TUSC3: variants seen among roughly 807,000 people sequenced by gnomAD.
TUSC3 encodes the protein dolichyl-diphosphooligosaccharide--protein glycosyltransferase subunit TUSC3.
A neutral mutation model predicts 44.8 loss-of-function variants in TUSC3; 45 were observed. The ratio of observed to expected loss-of-function variants is 1.00; its 90% confidence interval spans 0.79 to 1.29. The LOEUF (loss-of-function observed/expected upper bound fraction) is 1.29. Ranked by LOEUF, TUSC3 falls within the 50% of genes most tolerant of loss-of-function variation. The pLI, the probability that TUSC3 is intolerant of heterozygous loss-of-function variation, is 0.00. For missense variants in TUSC3, 519 were observed against 437.9 expected (o/e 1.19, Z -1.65); for synonymous variants, 212 against 152.9 (o/e 1.39, Z -2.85).
chr8:15,582,448 G>A (rs992434964), intron 1 of TUSC3, among the ~76,000 whole-genome samples: 3 of 152,132 alleles, frequency 2.0e-5, no homozygotes, highest in Non-Finnish European at 4.4e-5. Flanking sequence ...ATGCTATAAT[G>A]AAGGACATTT....
In TUSC3 at chr8:15,662,237, T is replaced by A. The variant is rs772626944; in HGVS notation, c.649T>A (p.Leu217Met). The A allele has an allele frequency of 9.9e-6, 16 of 1,613,236 alleles. No individual in the cohort carries two copies. Among genetic ancestry groups the A allele is most frequent in the South Asian group, 9.9e-5 (9 of 91,066 alleles). ...LVSLVGGLLYLRRNNLEFIYN... is the reference protein window; with the variant it reads ...LVSLVGGLLYMRRNNLEFIYN... ...GTCGCTTGTTGGAGGTTTGCTTTAT[T>A]TGAGAAGGAACAACTTGGAGTTCAT... The change falls in exon 5 of 11, where the codon TTG (leucine) becomes ATG (methionine). Residue 217 changes from leucine (L) to methionine (M), a missense_variant. Physicochemically the swap from Leu to Met is conservative, Grantham distance 15. Coordinates refer to ENST00000503731, the MANE Select transcript of TUSC3 (RefSeq NM_006765.4).
chr8:15,509,318 C>G (rs1044684242), intron 2 of TUSC3, among the ~76,000 whole-genome samples: 2 of 152,106 alleles, frequency 1.3e-5, no homozygotes, highest in African/African-American at 4.8e-5. Context: ...AATTCAAAAT[C>G]ATAATAAAGG....
intron 2 of TUSC3, among the ~76,000 whole-genome samples, chr8:15,496,107 T>C (rs1383510866): frequency 6.6e-6 from 1 of 152,182 alleles, no homozygotes; most frequent in African/African-American, 2.4e-5. Context: ...CCACGACCAC[T>C]AAAATTAGTG....
At chr8:15,539,381 C>G (rs536789777), upstream of TUSC3, among the ~76,000 whole-genome samples, 836 of 96,256 alleles carry the variant, frequency 8.7e-3, 5 homozygotes, top group African/African-American at 0.033. Context: ...GAGACAGAGT[C>G]TCATTCTGTC....
chr8:15,572,751 T>TCAA (rs2129143741), intron 1 of TUSC3, among the ~76,000 whole-genome samples: 1 of 152,256 alleles, frequency 6.6e-6, no homozygotes, highest in African/African-American at 2.4e-5. Context: ...TTTCAATGTT[T>TCAA]TTATGCTTTA....
chr8:15,851,525 T>C, the TUSC3 span, among the ~76,000 whole-genome samples: 2 of 152,162 alleles, frequency 1.3e-5, no homozygotes, highest in African/African-American at 4.8e-5. Context: ...ATTTTACAGA[T>C]GAAGAAACTC....
At chr8:15,438,399 G>A (rs1799979049) in intron 1 of TUSC3, among the ~76,000 whole-genome samples, 1 of 152,158 alleles carries the variant, frequency 6.6e-6, no homozygotes, top group African/African-American at 2.4e-5. Context: ...CCCAGCCAGG[G>A]GTTGTTGTGT....
At chr8:15,733,397 T>C (rs1810803069) in intron 7 of TUSC3, 1 of 415,448 alleles carries the variant, frequency 2.4e-6, no homozygotes, top group Non-Finnish European at 4.7e-6. Flanking sequence ...TGTAGCATCT[T>C]AGCAGTATAC....
chr8:15,427,854 G>T (rs934802372), intron 1 of TUSC3, among the ~76,000 whole-genome samples: 2 of 151,928 alleles, frequency 1.3e-5, no homozygotes, highest in Non-Finnish European at 2.9e-5. Flanking sequence ...CTTTTCCCCT[G>T]TTTTCTTCTG....
At chr8:15,719,399 T>C (rs2129203303) in intron 6 of TUSC3, among the ~76,000 whole-genome samples, 1 of 151,962 alleles carries the variant, frequency 6.6e-6, no homozygotes, top group Admixed American at 6.6e-5. Flanking sequence ...CCTATTTAAA[T>C]TGCAACCTGC....
chr8:15,714,102 C>G (rs911789094), intron 6 of TUSC3, among the ~76,000 whole-genome samples: 9 of 152,090 alleles, frequency 5.9e-5, no homozygotes, highest in Non-Finnish European at 1.2e-4. Flanking sequence ...TACCTCTTTA[C>G]TCAGCATGAG....
At chr8:15,722,383 CT>C (rs1174314822) in intron 6 of TUSC3, among the ~76,000 whole-genome samples, 5 of 151,780 alleles carry the variant, frequency 3.3e-5, no homozygotes. Context: ...GAAGAAGGGA[CT>C]GAATAAGACC....
Position 15,743,397 on chromosome 8 carries a change from A to G in TUSC3, c.863-141A>G, listed in dbSNP as rs1204095740. 4.8e-6 allele frequency: 4 copies of G among 833,364 alleles called. No individual in the cohort carries two copies. The East Asian group carries it at 9.9e-5, about 21-fold the overall frequency. 51.6% of individuals were successfully genotyped at this position (833,364 alleles called of 1,614,324 possible). ...TTTGCTCACAAAGAATGGTAATTTT[A>G]TGTTATATAAAGGTAATTGATTGTA... On this transcript the variant is annotated intron_variant, in intron 7 of 10. Transcript: ENST00000503731.
At chr8:15,785,284 ATCT>A in the TUSC3 span, among the ~76,000 whole-genome samples, 10,956 of 152,136 alleles carry the variant, frequency 0.072, 519 homozygotes, top group East Asian at 0.18. Context: ...ACTAATAAAA[ATCT>A]TCTTCACTTT....
At chr8:15,454,464 G>A (rs1457899377) in intron 1 of TUSC3, among the ~76,000 whole-genome samples, 2 of 152,176 alleles carry the variant, frequency 1.3e-5, no homozygotes, top group Non-Finnish European at 2.9e-5. Flanking sequence ...AATAGGTTAT[G>A]CACAGATTTG....
chr8:15,597,598 A>G (rs1804124289), intron 1 of TUSC3, among the ~76,000 whole-genome samples: 3 of 152,158 alleles, frequency 2.0e-5, no homozygotes, highest in Admixed American at 1.3e-4. Context: ...AACAACATCT[A>G]AAATACTAGT....
At chr8:15,529,434 CTGT>C (rs1801422672) in intron 2 of TUSC3, among the ~76,000 whole-genome samples, 1 of 152,120 alleles carries the variant, frequency 6.6e-6, no homozygotes, top group South Asian at 2.1e-4. Flanking sequence ...ACTTTAATTA[CTGT>C]TGATTACATA....
intron 1 of TUSC3, among the ~76,000 whole-genome samples, chr8:15,477,495 G>A (rs1312938368): frequency 6.6e-6 from 1 of 152,156 alleles, no homozygotes. Context: ...GGCTGAGGCA[G>A]GCAGATCACG....
chr8:15,658,002 T>G (rs917427763), intron 3 of TUSC3, among the ~76,000 whole-genome samples: 16 of 152,276 alleles, frequency 1.1e-4, no homozygotes, highest in African/African-American at 3.6e-4. Context: ...ACTTTTATAA[T>G]AGCACTCATC....
Sources: allele counts gnomAD v4.1 joint callset (sites outside exome capture counted in the v4.1 genomes callset), GRCh38; gene constraint gnomAD v4.1.1; transcripts MANE v1.5; gene names NCBI Gene and HGNC (gene_info 2026-07-23, HGNC 2026-07-21).